RBMS3: variants seen among roughly 807,000 people sequenced by gnomAD.
The protein encoded by RBMS3 is RNA binding motif single stranded interacting protein 3.
RBMS3 carries 27 observed loss-of-function variants against 66.8 expected under a neutral mutation model. The observed-to-expected ratio is 0.40, with a 90% CI of 0.30 to 0.56. RBMS3 has a LOEUF of 0.56. RBMS3 is among the 20% of genes least tolerant of loss of function. RBMS3 has a pLI of 0.40. For synonymous variants in RBMS3, 188 were observed against 183.0 expected, an observed-to-expected ratio of 1.03 and a Z score of -0.22; for missense variants, 513 against 549.5, an observed-to-expected ratio of 0.93 and a Z score of 0.66.
intron 12 of RBMS3, among the ~76,000 whole-genome samples, chr3:29,976,595 G>T (rs558310215): frequency 6.6e-6 from 1 of 152,128 alleles, no homozygotes; most frequent in East Asian, 1.9e-4. Context: ...TCCTTTCCAT[G>T]CCCTAGTAGG....
At position 29,281,771 on chromosome 3, in the gene RBMS3, A is replaced by C. The variant is rs1373066747; in HGVS notation, c.75+15A>C. 1.2e-6 allele frequency: 2 copies of C among 1,601,064 alleles called. No individual in the cohort carries two copies. The highest frequency in any genetic ancestry group is 2.2e-5 in the South Asian group (2 of 90,508). ...TCCAAACCAAGGTATGGCTTGACCC[A>C]CGGTCTGGCGATCAGCGTGGTATCG... On this transcript the variant is annotated intron_variant, in intron 1 of 14. Coordinates refer to ENST00000383767, the MANE Select transcript of RBMS3 (RefSeq NM_001003793.3).
intron 12 of RBMS3, among the ~76,000 whole-genome samples, chr3:29,961,365 G>C (rs1220089344): frequency 6.6e-6 from 1 of 152,118 alleles, no homozygotes; most frequent in African/African-American, 2.4e-5. Context: ...AAGTTTCAAA[G>C]TTTCCCACAT....
intron 2 of RBMS3, among the ~76,000 whole-genome samples, chr3:29,465,255 TA>T (rs2042498530): frequency 6.6e-6 from 1 of 152,164 alleles, no homozygotes; most frequent in Admixed American, 6.6e-5. Context: ...ATAAAAGACA[TA>T]AATGTTAGTG....
intron 1 of RBMS3, among the ~76,000 whole-genome samples, chr3:29,304,632 G>T (rs546586440): frequency 7.9e-5 from 12 of 151,894 alleles, no homozygotes; most frequent in Non-Finnish European, 1.3e-4. Flanking sequence ...CAGCAATACC[G>T]CAGCACTCTC....
At chr3:29,560,202 A>T (rs1343525252) in intron 3 of RBMS3, among the ~76,000 whole-genome samples, 1 of 152,216 alleles carries the variant, frequency 6.6e-6, no homozygotes, top group Non-Finnish European at 1.5e-5. Context: ...AGTTGATGAC[A>T]CTGTATTTCC....
At chr3:29,902,302 T>G (rs2060274254) in intron 10 of RBMS3, among the ~76,000 whole-genome samples, 1 of 151,912 alleles carries the variant, frequency 6.6e-6, no homozygotes, top group South Asian at 2.1e-4. Flanking sequence ...ATTATTATTA[T>G]TTAATTATAT....
chr3:29,681,230 T>C (rs2051477744), intron 4 of RBMS3, among the ~76,000 whole-genome samples: 1 of 152,204 alleles, frequency 6.6e-6, no homozygotes, highest in African/African-American at 2.4e-5. Context: ...TTAAAATTAG[T>C]GTAAGAATGA....
chr3:29,349,845 A>G (rs1310981401), intron 1 of RBMS3, among the ~76,000 whole-genome samples: 2 of 152,104 alleles, frequency 1.3e-5, no homozygotes, highest in East Asian at 3.9e-4. Flanking sequence ...CATCCCATGA[A>G]TCTCGATTTA....
intron 1 of RBMS3, among the ~76,000 whole-genome samples, chr3:29,325,528 A>G (rs980927925): frequency 1.4e-5 from 2 of 144,198 alleles, no homozygotes; most frequent in Admixed American, 6.8e-5. Flanking sequence ...GTGTGTGTGT[A>G]TGTATGTATA....
At chr3:29,849,303 C>T (rs1401836635) in intron 6 of RBMS3, among the ~76,000 whole-genome samples, 1 of 151,622 alleles carries the variant, frequency 6.6e-6, no homozygotes, top group Non-Finnish European at 1.5e-5. Flanking sequence ...ATCATAAGGT[C>T]AGGAGTTCAA....
chr3:29,340,666 A>G (rs1231880723), intron 1 of RBMS3, among the ~76,000 whole-genome samples: 2 of 152,142 alleles, frequency 1.3e-5, no homozygotes, highest in South Asian at 2.1e-4. Flanking sequence ...CTATTATAGC[A>G]CAAGCAAAGC....
At chr3:29,517,181 C>A (rs1559429630) in intron 3 of RBMS3, among the ~76,000 whole-genome samples, 2 of 151,748 alleles carry the variant, frequency 1.3e-5, no homozygotes, top group South Asian at 4.2e-4. Context: ...TCACTGCACT[C>A]CAGCCTGGGC....
At chr3:29,286,365 T>G (rs2032334313) in intron 1 of RBMS3, among the ~76,000 whole-genome samples, 1 of 152,082 alleles carries the variant, frequency 6.6e-6, no homozygotes, top group Admixed American at 6.6e-5. Flanking sequence ...GTGCATGTTT[T>G]GCTATTTTTT....
intron 2 of RBMS3, among the ~76,000 whole-genome samples, chr3:29,476,945 G>A (rs1458025293): frequency 2.0e-5 from 3 of 152,076 alleles, no homozygotes; most frequent in Non-Finnish European, 2.9e-5. Context: ...TTCTTTTACA[G>A]ACAAACCTCC....
At chr3:29,623,521 G>A (rs1262483761) in intron 4 of RBMS3, among the ~76,000 whole-genome samples, 1 of 147,654 alleles carries the variant, frequency 6.8e-6, no homozygotes, top group East Asian at 2.1e-4. Flanking sequence ...GAACCAGGGA[G>A]ATGGAGCTTT....
intron 1 of RBMS3, among the ~76,000 whole-genome samples, chr3:29,323,381 A>G (rs2035123407): frequency 6.6e-6 from 1 of 152,190 alleles, no homozygotes; most frequent in African/African-American, 2.4e-5. Flanking sequence ...ACAAAGCCGT[A>G]AACTAGGTCG....
intron 6 of RBMS3, among the ~76,000 whole-genome samples, chr3:29,802,838 A>T (rs1432735446): frequency 6.6e-6 from 1 of 152,206 alleles, no homozygotes; most frequent in Non-Finnish European, 1.5e-5. Flanking sequence ...TGTAACATTT[A>T]TAAAATGGGA....
At chr3:29,725,078 G>A (rs7638940) in intron 4 of RBMS3, among the ~76,000 whole-genome samples, 15,833 of 152,176 alleles carry the variant, frequency 0.1, 926 homozygotes, top group Middle Eastern at 0.21. Flanking sequence ...GATGGAAATC[G>A]ACAAGTGACT....
intron 1 of RBMS3, among the ~76,000 whole-genome samples, chr3:29,427,881 C>T (rs1037935017): frequency 2.6e-5 from 4 of 152,078 alleles, no homozygotes; most frequent in African/African-American, 7.2e-5. Context: ...CATCAGGGCT[C>T]TGTGATTTCC....
Sources: gnomAD v4.1 joint callset for allele counts (sites outside exome capture counted in the v4.1 genomes callset) on GRCh38, gnomAD v4.1.1 for gene constraint, MANE v1.5 for transcripts, NCBI Gene and HGNC (gene_info 2026-07-23, HGNC 2026-07-21) for gene names.